Variants in SSBP2 observed in about 807,000 individuals in gnomAD.
SSBP2 encodes the protein single-stranded DNA-binding protein 2.
SSBP2 carries 17 observed loss-of-function variants against 61.8 expected under a neutral mutation model. That is an observed-to-expected ratio of 0.28 (90% CI 0.19 to 0.41). SSBP2 has a LOEUF of 0.41. Ranked by LOEUF, SSBP2 falls within the 10% of genes least tolerant of loss-of-function variation. The pLI is 1.00. For missense variants in SSBP2, 310 were observed against 458.7 expected (o/e 0.68, Z 2.96); for synonymous variants, 139 against 141.3 (o/e 0.98, Z 0.12).
chr5:81,709,024 G>GTAGTTTTAT (rs1754594042), intron 1 of SSBP2, among the ~76,000 whole-genome samples: 4 of 152,118 alleles, frequency 2.6e-5, no homozygotes, highest in Admixed American at 2.6e-4. Context: ...TTTGATGGAA[G>GTAGTTTTAT]AGCCAGGCTA....
At chr5:81,669,571 A>G (rs1001864934) in intron 1 of SSBP2, among the ~76,000 whole-genome samples, 2 of 152,184 alleles carry the variant, frequency 1.3e-5, no homozygotes, top group Non-Finnish European at 2.9e-5. Flanking sequence ...CAAACGCCAC[A>G]TGTTCTCACT....
At chr5:81,557,075 TA>T (rs1160364534) in intron 4 of SSBP2, among the ~76,000 whole-genome samples, 1 of 152,180 alleles carries the variant, frequency 6.6e-6, no homozygotes, top group Non-Finnish European at 1.5e-5. Context: ...TTAATGTGGA[TA>T]AAAAGAGCCT....
chr5:81,630,682 G>A (rs1287941475), intron 3 of SSBP2, among the ~76,000 whole-genome samples: 2 of 150,938 alleles, frequency 1.3e-5, no homozygotes, highest in African/African-American at 2.4e-5. Context: ...TGGAAGAAGG[G>A]ATCCCCTGAA....
In SSBP2 at chr5:81,702,194, A is replaced by T. The variant is rs954843782; in HGVS notation, c.62+48787T>A. Among the ~76,000 whole-genome samples, 8 of 152,258 alleles carry T rather than the reference A, an allele frequency of 5.3e-5. No individual in the cohort carries two copies. The South Asian group carries it at 1.5e-3, about 28-fold the overall frequency. On this transcript the variant is annotated intron_variant, in intron 1 of 16. Transcript: ENST00000320672. The stretch of plus-strand genomic sequence containing the variant: ...AAGACCAGCCTGGCCAACATGATGA[A>T]ACCACGTCTCTACTAAAATACGAAA...
At chr5:81,429,575 A>G (rs1762162532) in intron 15 of SSBP2, among the ~76,000 whole-genome samples, 1 of 152,208 alleles carries the variant, frequency 6.6e-6, no homozygotes, top group African/African-American at 2.4e-5. Context: ...AACTTGTAAA[A>G]AAAAACTTCA....
chr5:81,437,470 T>G lies in SSBP2; in HGVS notation c.929-12A>C. 6.2e-7 allele frequency: 1 copy of G among 1,602,642 alleles called. No individual in the cohort carries two copies. The highest frequency in any genetic ancestry group is 8.5e-7 in the Non-Finnish European group (1 of 1,176,102). ...CATATCTCCTGAGCCTGAAACAAAA[T>G]ATAAAAAGAAAGCCTTTATTAGGTA... On this transcript the variant is annotated splice_polypyrimidine_tract_variant and intron_variant, in intron 14 of 16. Transcript: ENST00000320672.
At chr5:81,716,404 A>T (rs928970175) in intron 1 of SSBP2, among the ~76,000 whole-genome samples, 23 of 152,206 alleles carry the variant, frequency 1.5e-4, no homozygotes, top group Non-Finnish European at 2.9e-4. Flanking sequence ...AATTTAAAAA[A>T]TTTCCTAATT....
At chr5:81,639,446 A>G (rs958857261) in intron 2 of SSBP2, among the ~76,000 whole-genome samples, 1 of 152,190 alleles carries the variant, frequency 6.6e-6, no homozygotes, top group East Asian at 1.9e-4. Flanking sequence ...CTTTAGGGAA[A>G]TTACACCTCA....
At chr5:81,434,468 A>T (rs1302541083) in intron 15 of SSBP2, among the ~76,000 whole-genome samples, 2 of 151,808 alleles carry the variant, frequency 1.3e-5, no homozygotes, top group African/African-American at 4.8e-5. Flanking sequence ...GACCAGCCTG[A>T]CAACATGGAG....
chr5:81,681,408 T>G (rs1194107737), intron 1 of SSBP2, among the ~76,000 whole-genome samples: 5 of 151,094 alleles, frequency 3.3e-5, no homozygotes, highest in African/African-American at 1.2e-4. Context: ...TAATCTCAGC[T>G]AGTTGGGAGG....
chr5:81,645,996 C>G (rs1340440371), intron 2 of SSBP2, among the ~76,000 whole-genome samples: 1 of 152,170 alleles, frequency 6.6e-6, no homozygotes. Flanking sequence ...ACTCTTCTGA[C>G]TGATAACAAA....
rs915043998 is a variant in SSBP2, at chr5:81,419,561, G to A, written c.*943C>T. 2.0e-5 allele frequency: 3 copies of A among 152,174 alleles called. No homozygotes were observed. Among genetic ancestry groups the A allele is most frequent in the East Asian group, 3.8e-4 (2 of 5,202 alleles). The allele number at this position is 152,174 out of a possible 1,614,324, so 9.4% of individuals were successfully genotyped here. Reference sequence around the variant, plus strand: ...TCCTGGTGAGAAGTGACAAATTCAAGCAAATGCTTTTGTTATCACTTTTGG... The same window carrying A: ...TCCTGGTGAGAAGTGACAAATTCAAACAAATGCTTTTGTTATCACTTTTGG... On this transcript the variant is annotated 3_prime_UTR_variant, in exon 17 of 17. Coordinates refer to ENST00000320672, the MANE Select transcript of SSBP2 (RefSeq NM_012446.5).
intron 1 of SSBP2, among the ~76,000 whole-genome samples, chr5:81,679,799 T>G (rs911665554): frequency 6.6e-6 from 1 of 152,142 alleles, no homozygotes; most frequent in Non-Finnish European, 1.5e-5. Flanking sequence ...GGATTCCAGA[T>G]AGGTGGTAAA....
chr5:81,483,311 A>G (rs184710822), intron 6 of SSBP2, among the ~76,000 whole-genome samples: 10 of 152,176 alleles, frequency 6.6e-5, no homozygotes, highest in African/African-American at 1.4e-4. Flanking sequence ...TGTAAAAAAC[A>G]TATCTGTGAA....
intron 1 of SSBP2, among the ~76,000 whole-genome samples, chr5:81,708,495 G>C (rs566235803): frequency 3.3e-5 from 5 of 152,128 alleles, no homozygotes; most frequent in African/African-American, 1.2e-4. Context: ...TGACCAATGC[G>C]TCATGTTAGA....
chr5:81,586,784 C>T (rs1775089142), intron 4 of SSBP2, among the ~76,000 whole-genome samples: 1 of 151,966 alleles, frequency 6.6e-6, no homozygotes, highest in African/African-American at 2.4e-5. Context: ...TCGTGCCTAC[C>T]TGATCTGTCT....
intron 3 of SSBP2, among the ~76,000 whole-genome samples, chr5:81,627,899 C>T (rs1747328152): frequency 6.6e-6 from 1 of 151,724 alleles, no homozygotes; most frequent in South Asian, 2.1e-4. Flanking sequence ...CTCATCGCTA[C>T]AAAAAAATAT....
At chr5:81,532,249 T>C (rs555474959) in intron 4 of SSBP2, among the ~76,000 whole-genome samples, 1 of 152,216 alleles carries the variant, frequency 6.6e-6, no homozygotes, top group African/African-American at 2.4e-5. Flanking sequence ...CTTTATATAA[T>C]ACTATTTTAT....
chr5:81,547,388 T>C (rs1308522960), intron 4 of SSBP2, among the ~76,000 whole-genome samples: 1 of 152,128 alleles, frequency 6.6e-6, no homozygotes, highest in African/African-American at 2.4e-5. Flanking sequence ...GAGAAATAAA[T>C]TGTATCACAT....
Sources: allele counts gnomAD v4.1 joint callset (sites outside exome capture counted in the v4.1 genomes callset), GRCh38; gene constraint gnomAD v4.1.1; transcripts MANE v1.5; gene names NCBI Gene and HGNC (gene_info 2026-07-23, HGNC 2026-07-21).